The following UNC13D variants were observed in gnomAD, a reference collection of about 807,000 sequenced individuals.
UNC13D encodes the protein unc-13 homolog D.
UNC13D carries 115 observed loss-of-function variants against 151.7 expected under a neutral mutation model. The observed-to-expected ratio is 0.76, with a 90% CI of 0.65 to 0.88. The LOEUF is 0.88. UNC13D is among the 40% of genes least tolerant of loss of function. The pLI is 0.00. For synonymous variants in UNC13D, 588 were observed against 612.2 expected (o/e 0.96, Z 0.58); for missense variants, 1,369 against 1,438.7 (o/e 0.95, Z 0.78).
rs1456749981 is a variant in UNC13D, at chr17:75,835,783, A to T, written c.1597-6T>A. 3 of 1,613,860 alleles carry T rather than the reference A, an allele frequency of 1.9e-6. No individual in the cohort carries two copies. In the African/African-American group the frequency reaches 4.0e-5, roughly 22 times the overall value. Reference sequence around the variant, plus strand: ...TCCTGCACCCGCTTGGCCACCTGCAAAGGAAAGGTGTGGAGGGCGGGGCCC... The same window carrying T: ...TCCTGCACCCGCTTGGCCACCTGCATAGGAAAGGTGTGGAGGGCGGGGCCC... On this transcript the variant is annotated splice_polypyrimidine_tract_variant and splice_region_variant and intron_variant, in intron 18 of 31. Coordinates refer to ENST00000207549, the MANE Select transcript of UNC13D (RefSeq NM_199242.3).
chr17:75,833,932 A>G lies in UNC13D; in HGVS notation c.2367+143T>C. Reference sequence around the variant, plus strand: ...AGTGACCCAACCCGTTCCTGTGAGCATCCCAGGAGGAAACTGAGGCCCAGG... The same window carrying G: ...AGTGACCCAACCCGTTCCTGTGAGCGTCCCAGGAGGAAACTGAGGCCCAGG... On this transcript the variant is annotated intron_variant, in intron 24 of 31. Transcript: ENST00000207549. This position sits in a 1 kb window ranked among gnomAD's most constrained non-coding sequence, Gnocchi z 4.0. The G allele has an allele frequency of 9.8e-7, 1 of 1,018,592 alleles. No homozygotes were observed. The highest frequency in any genetic ancestry group is 1.5e-6 in the Non-Finnish European group (1 of 664,612). The allele number at this position is 1,018,592 out of a possible 1,614,324, so 63.1% of individuals were successfully genotyped here. A position where few individuals can be genotyped will look rare whatever the true frequency, so the allele number is the denominator to read the frequency against.
intron 1 of UNC13D, chr17:75,843,927 A>C: frequency 7.3e-7 from 1 of 1,374,282 alleles, no homozygotes; most frequent in East Asian, 2.9e-5. Flanking sequence ...ACCCCCACCT[A>C]ATGGAGTCGG....
rs1166971720 is a variant in UNC13D, at chr17:75,833,829, G to A, written c.2367+246C>T. Among the ~76,000 whole-genome samples, 1 of 152,202 alleles carries A rather than the reference G, an allele frequency of 6.6e-6. No individual in the cohort carries two copies. The highest frequency in any genetic ancestry group is 1.5e-5 in the Non-Finnish European group (1 of 68,046). On this transcript the variant is annotated intron_variant, in intron 24 of 31. Transcript: ENST00000207549. This position sits in a 1 kb window ranked among gnomAD's most constrained non-coding sequence, Gnocchi z 4.0. ...GGCAGCTGAGAAGGATGTGCACCCT[G>A]GCCTGTTTGGCTGCAAAGTCTAAGC...
rs1471431976 is a variant in UNC13D at position 75,842,995 on chromosome 17, G to A, written c.321+19C>T. On this transcript the variant is annotated intron_variant, in intron 4 of 31. Coordinates refer to ENST00000207549, the MANE Select transcript of UNC13D (RefSeq NM_199242.3). ...TCCCAGGCCCCTCCTTGCCCAGGGGGACCCTGGCCCCAGGTTACCTCAAGC... is the reference window on the plus strand; with the variant it reads ...TCCCAGGCCCCTCCTTGCCCAGGGGAACCCTGGCCCCAGGTTACCTCAAGC... 1.2e-6 allele frequency: 2 copies of A among 1,612,786 alleles called. No homozygotes were observed. The highest frequency in any genetic ancestry group is 2.2e-5 in the East Asian group (1 of 44,874).
At position 75,834,996 on chromosome 17, in the gene UNC13D, T is replaced by C. The variant is rs984172931; in HGVS notation, c.1916A>G (p.Gln639Arg). The change falls in exon 21 of 32, where the codon CAG becomes CGG. Residue 639 changes from glutamine to arginine, a missense_variant. By Grantham distance (43) the Gln-to-Arg change is conservative (BLOSUM62 1). This residue lies in a region of UNC13D where 807 missense variants were observed against 795.5 expected (regional missense o/e 1.01). Transcript: ENST00000207549. ...SAVDLSTCFA[Q>R]ISHTARQLDW... Reference sequence around the variant, plus strand: ...CAGCTGCCGGGCAGTGTGGCTGATCTGGGCAAAGCAGGTGGATAGATCCAC... The same window carrying C: ...CAGCTGCCGGGCAGTGTGGCTGATCCGGGCAAAGCAGGTGGATAGATCCAC... 6 of 1,614,094 alleles carry C rather than the reference T, an allele frequency of 3.7e-6. No individual in the cohort carries two copies. Among genetic ancestry groups the C allele is most frequent in the Non-Finnish European group, 5.1e-6 (6 of 1,180,018 alleles).
chr17:75,841,948 C>T (rs1306620475), intron 6 of UNC13D, among the ~76,000 whole-genome samples: 1 of 151,842 alleles, frequency 6.6e-6, no homozygotes, highest in Non-Finnish European at 1.5e-5. Flanking sequence ...GGGGTTTCAC[C>T]GTGTTAGCCA....
intron 20 of UNC13D, 33 bp downstream of exon 20, chr17:75,835,376 G>A (rs766990311): frequency 6.2e-7 from 1 of 1,605,372 alleles, no homozygotes; most frequent in Admixed American, 1.7e-5. Flanking sequence ...CCCCAAACCG[G>A]GGCCCCGCCC....
chr17:75,843,484 C>T lies in UNC13D; in HGVS notation c.153G>A (p.Gln51=). ...TGCACCCCAGCACTCTGACTCTTAC[C>T]TGCTCGGGGGAGAAGTGGTGGGATG... ...QPPSHHFSPE[Q]RALLYEDALY... The change falls in exon 2 of 32, where the codon CAG becomes CAA. Residue 51 remains glutamine, a splice_region_variant and synonymous_variant. Coordinates refer to ENST00000207549, the MANE Select transcript of UNC13D (RefSeq NM_199242.3). 1.2e-6 allele frequency: 2 copies of T among 1,609,826 alleles called. No homozygotes were observed. The highest frequency in any genetic ancestry group is 1.3e-5 in the African/African-American group (1 of 75,008).
intron 28 of UNC13D, 32 bp downstream of exon 28, chr17:75,830,546 G>C (rs2064864339): frequency 6.4e-7 from 1 of 1,570,056 alleles, no homozygotes; most frequent in Non-Finnish European, 8.6e-7. Flanking sequence ...TCCAGGGCCT[G>C]CAGAGGGCGC....
chr17:75,831,167 G>A lies in UNC13D; in HGVS notation c.2556C>T (p.Asn852=), dbSNP rs564380873. 5 of 1,614,124 alleles carry A rather than the reference G, an allele frequency of 3.1e-6. No individual in the cohort carries two copies. In the African/African-American group the frequency reaches 4.0e-5, roughly 13 times the overall value. The change falls in exon 27 of 32, where the codon AAC becomes AAT. Residue 852 remains asparagine, a splice_region_variant and synonymous_variant. Coordinates refer to ENST00000207549, the MANE Select transcript of UNC13D (RefSeq NM_199242.3). ...ASNRLKIALQ[N]LEICFHAEGC... ...CCTCAGCGTGGAAGCAGATCTCCAGGTTCTGGGGGAGATATCAGAGGTGAC... is the reference window on the plus strand; with the variant it reads ...CCTCAGCGTGGAAGCAGATCTCCAGATTCTGGGGGAGATATCAGAGGTGAC...
chr17:75,842,771 G>C lies in UNC13D; in HGVS notation c.388+86C>G, dbSNP rs2064958337. On this transcript the variant is annotated intron_variant, in intron 5 of 31. Transcript: ENST00000207549. ...GCTACAGGGCTTCTTGGAAGTGGGTGCTCCCGCCAAGAGTCCTGGGCCAGG... is the reference window on the plus strand; with the variant it reads ...GCTACAGGGCTTCTTGGAAGTGGGTCCTCCCGCCAAGAGTCCTGGGCCAGG... The C allele has an allele frequency of 1.9e-6, 3 of 1,595,820 alleles. No homozygotes were observed. The Admixed American group carries it at 5.0e-5, about 27-fold the overall frequency.
chr17:75,834,504 G>A lies in UNC13D; in HGVS notation c.2119C>T (p.Gln707Ter), dbSNP rs1225096342. 2 of 1,580,454 alleles carry A rather than the reference G, an allele frequency of 1.3e-6. No homozygotes were observed. The highest frequency in any genetic ancestry group is 1.7e-6 in the Non-Finnish European group (2 of 1,163,730). ...MLCVVVNDME[Q>*]LRLVIGKLPA... is the part of the protein sequence containing the mutation. ...AACTTGCCGATCACCAGCCGCAGCT[G>A]CTCCATGTCATTCACCACCACACAC... Residue 707 changes from glutamine (Q) to a stop codon, truncating the protein, a stop_gained, in exon 23 of 32, where the codon CAG becomes TAG. Transcript: ENST00000207549. LOFTEE classifies it high-confidence loss of function.
rs781090886 is a variant in UNC13D at position 75,840,057 on chromosome 17, G to A, written c.912C>T (p.Leu304=). ...CCTCGTGGGACACAAGCTGCTGCAG[G>A]AGGTGGAGGTGCACGGTGTAGCTCG... The part of the protein sequence containing the change: ...SQPSYTVHLH[L]LQQLVSHEVT... Residue 304 remains leucine, a synonymous_variant, in exon 11 of 32, where the codon CTC becomes CTT. Coordinates refer to ENST00000207549, the MANE Select transcript of UNC13D (RefSeq NM_199242.3). The surrounding 1 kb of genome is among the most constrained non-coding windows in gnomAD (Gnocchi z 4.6). 101 of 1,613,502 alleles carry A rather than the reference G, an allele frequency of 6.3e-5. No homozygotes were observed. Among genetic ancestry groups the A allele is most frequent in the African/African-American group, 1.2e-4 (9 of 74,944 alleles).
intron 18 of UNC13D, 27 bp from the exon 19 acceptor site, chr17:75,835,804 G>A (rs2064904282): frequency 1.2e-6 from 2 of 1,613,986 alleles, no homozygotes; most frequent in East Asian, 2.2e-5. Context: ...TGGAGGGCGG[G>A]GCCCACAGCT....
rs370278536 is a variant in UNC13D at position 75,842,483 on chromosome 17, C to T, written c.519G>A (p.Thr173=). Residue 173 remains threonine, a synonymous_variant, in exon 6 of 32, where the codon ACG becomes ACA. Coordinates refer to ENST00000207549, the MANE Select transcript of UNC13D (RefSeq NM_199242.3). ...GGTTGAGTGTCTGGGTGATGACCTGCGTGCGGTGGGTCTCCTCCTCGGGGA... is the reference window on the plus strand; with the variant it reads ...GGTTGAGTGTCTGGGTGATGACCTGTGTGCGGTGGGTCTCCTCCTCGGGGA... ...HTIPEEETHR[T]QVITQTLNPV... The T allele has an allele frequency of 4.8e-5, 77 of 1,613,314 alleles. No individual in the cohort carries two copies. Among genetic ancestry groups the T allele is most frequent in the African/African-American group, 8.0e-5 (6 of 74,932 alleles).
In UNC13D at chr17:75,836,055, C is replaced by G; in HGVS notation, c.1501G>C (p.Asp501His). 6.2e-7 allele frequency: 1 copy of G among 1,613,906 alleles called. No homozygotes were observed. The highest frequency in any genetic ancestry group is 8.5e-7 in the Non-Finnish European group (1 of 1,180,026). Residue 501 changes from aspartate to histidine, a missense_variant, in exon 17 of 32, where the codon GAC becomes CAC. Around this residue, in one of 3 missense-constraint regions of UNC13D, gnomAD observed 807 missense variants for 795.5 expected, o/e 1.01. Coordinates refer to ENST00000207549, the MANE Select transcript of UNC13D (RefSeq NM_199242.3). The stretch of plus-strand genomic sequence containing the variant: ...CATGTGCGCTGGCACTGGTGCAGGT[C>G]GCCAATGACATCCTGTACCAGGCCC... The part of the protein sequence containing the change: ...LLGLVQDVIG[D>H]LHQCQRTWDK...
Position 75,827,555 on chromosome 17 carries a change from G to T in UNC13D, c.*410C>A. 6.5e-7 allele frequency: 1 copy of T among 1,534,872 alleles called. No individual in the cohort carries two copies. ...CTCTCCCTTTTCCAGGAGACTCTGT[G>T]CCTGTAGCCCTGGTCCCAGTGAACC... On this transcript the variant is annotated 3_prime_UTR_variant, in exon 32 of 32. Coordinates refer to ENST00000207549, the MANE Select transcript of UNC13D (RefSeq NM_199242.3).
chr17:75,844,046 C>G lies in UNC13D; in HGVS notation c.117+175G>C, dbSNP rs543856528. 9.0e-6 allele frequency: 13 copies of G among 1,438,836 alleles called. No individual in the cohort carries two copies. The Admixed American group carries it at 2.3e-4, about 25-fold the overall frequency. 89.1% of individuals were successfully genotyped at this position (1,438,836 alleles called of 1,614,324 possible). A position where few individuals can be genotyped will look rare whatever the true frequency, so the allele number is the denominator to read the frequency against. ...AGGCCCACAGTGGCCCAGAGTCCAT[C>G]TGGCAGCCCCTGCTCTGCTGGCCCA... On this transcript the variant is annotated intron_variant, in intron 1 of 31. Transcript: ENST00000207549.
At position 75,840,597 on chromosome 17, in the gene UNC13D, T is replaced by G; in HGVS notation, c.684-21A>C. On this transcript the variant is annotated intron_variant, in intron 8 of 31. Coordinates refer to ENST00000207549, the MANE Select transcript of UNC13D (RefSeq NM_199242.3). This position sits in a 1 kb window ranked among gnomAD's most constrained non-coding sequence, Gnocchi z 4.6. Reference sequence around the variant, plus strand: ...AGATCCTGCGTCAGGCAGGGTCCCATAAGGGGGACGCAGCAAGGGTCGGAA... The same window carrying G: ...AGATCCTGCGTCAGGCAGGGTCCCAGAAGGGGGACGCAGCAAGGGTCGGAA... 6.2e-7 allele frequency: 1 copy of G among 1,613,836 alleles called. No homozygotes were observed. The highest frequency in any genetic ancestry group is 8.5e-7 in the Non-Finnish European group (1 of 1,179,974).
Sources: gnomAD v4.1 joint callset for allele counts (sites outside exome capture counted in the v4.1 genomes callset) on GRCh38, gnomAD v4.1.1 for gene constraint, gnomAD v4.1.1 regional missense constraint, Gnocchi (gnomAD v3.1) non-coding constraint, MANE v1.5 for transcripts, NCBI Gene and HGNC (gene_info 2026-07-23, HGNC 2026-07-21) for gene names.